IGSF9B: variants seen among roughly 807,000 people sequenced by gnomAD.
IGSF9B encodes the protein immunoglobulin superfamily member 9B, also known as protein turtle homolog B.
In IGSF9B, 48 loss-of-function variants were observed where a neutral mutation model predicts 143.7. The observed-to-expected ratio is 0.33, with a 90% CI of 0.26 to 0.42. IGSF9B has a LOEUF of 0.42. IGSF9B is among the 20% of genes least tolerant of loss of function. IGSF9B has a pLI of 1.00. For missense variants in IGSF9B, 1,706 were observed against 1,980.0 expected, an observed-to-expected ratio of 0.86 and a Z score of 2.63; for synonymous variants, 903 against 833.1, an observed-to-expected ratio of 1.08 and a Z score of -1.44.
At chr11:133,916,162 C>G (rs1565417449) in intron 18 of IGSF9B, among the ~76,000 whole-genome samples, 1 of 152,194 alleles carries the variant, frequency 6.6e-6, no homozygotes, top group South Asian at 2.1e-4. Context: ...CATCACTAGG[C>G]TCAGACAGGA....
Position 133,932,332 on chromosome 11 carries a change from GCAGA to G in IGSF9B, c.968-123_968-120del, listed in dbSNP as rs569679911. 1.9e-3 allele frequency: 1,941 copies of G among 1,042,286 alleles called. 17 individuals are homozygous for G. The highest frequency in any genetic ancestry group is 7.9e-3 in the African/African-American group (494 of 62,336). The allele number at this position is 1,042,286 out of a possible 1,614,324, so 64.6% of individuals were successfully genotyped here. A position where few individuals can be genotyped will look rare whatever the true frequency, so the allele number is the denominator to read the frequency against. Reference sequence around the variant, plus strand: ...AGACACAGGGAAGCCAGGTGGGAGAGCAGACAGACAGACAGACAGACACAGGGAC... The same window carrying G: ...AGACACAGGGAAGCCAGGTGGGAGAGCAGACAGACAGACAGACACAGGGAC... On this transcript the variant is annotated intron_variant, in intron 7 of 19. Coordinates refer to ENST00000533871, the MANE Select transcript of IGSF9B (RefSeq NM_001277285.4).
chr11:133,955,388 C>T (rs1017212108), intron 1 of IGSF9B, among the ~76,000 whole-genome samples: 1 of 152,220 alleles, frequency 6.6e-6, no homozygotes, highest in Non-Finnish European at 1.5e-5. Context: ...CACCACCACC[C>T]CCCTCAGAAG....
intron 1 of IGSF9B, among the ~76,000 whole-genome samples, chr11:133,954,789 C>G (rs1024037422): frequency 6.6e-6 from 1 of 152,124 alleles, no homozygotes; most frequent in South Asian, 2.1e-4. Context: ...AAGAAAGACC[C>G]CAAGACCAGC....
In IGSF9B at chr11:133,926,599, G is replaced by A. The variant is rs114638026; in HGVS notation, c.1807+317C>T. Among the ~76,000 whole-genome samples, 557 of 152,372 alleles carry A rather than the reference G, an allele frequency of 3.7e-3. 4 individuals are homozygous for A. The highest frequency in any genetic ancestry group is 0.011 in the African/African-American group (470 of 41,582). On this transcript the variant is annotated intron_variant, in intron 13 of 19. Transcript: ENST00000533871. ...GACGCTGGGGCCAGAGGCCAGAACC[G>A]GCAGGCGCTGCCAAGGAGGGAGGAT...
chr11:133,935,229 G>A (rs1939801460), intron 7 of IGSF9B, among the ~76,000 whole-genome samples: 1 of 152,214 alleles, frequency 6.6e-6, no homozygotes, highest in African/African-American at 2.4e-5. Flanking sequence ...CCCTGCATGG[G>A]CCTGGGCTAT....
rs1939329780 is a variant in IGSF9B, at chr11:133,913,370, TC to T, written c.3984-1364del. The stretch of plus-strand genomic sequence containing the variant: ...GGGATAGGAAGCCTGCAGTCTCTTC[TC>T]CCCAGCATCAAATATGTTGGCAGCA... On this transcript the variant is annotated intron_variant, in intron 18 of 19. Coordinates refer to ENST00000533871, the MANE Select transcript of IGSF9B (RefSeq NM_001277285.4). This position sits in a 1 kb window ranked among gnomAD's most constrained non-coding sequence, Gnocchi z 4.6. Among the ~76,000 whole-genome samples, 2 of 152,018 alleles carry T rather than the reference TC, an allele frequency of 1.3e-5. No homozygotes were observed. Among genetic ancestry groups the T allele is most frequent in the African/African-American group, 4.8e-5 (2 of 41,392 alleles).
In IGSF9B at chr11:133,928,458, C is replaced by T. The variant is rs1939668534; in HGVS notation, c.1631+1213G>A. 1.3e-5 allele frequency among the ~76,000 whole-genome samples: 2 copies of T among 152,196 alleles called. No homozygotes were observed. Among genetic ancestry groups the T allele is most frequent in the Non-Finnish European group, 2.9e-5 (2 of 68,036 alleles). On this transcript the variant is annotated intron_variant, in intron 12 of 19. Coordinates refer to ENST00000533871, the MANE Select transcript of IGSF9B (RefSeq NM_001277285.4). The surrounding 1 kb of genome is among the most constrained non-coding windows in gnomAD (Gnocchi z 4.7). ...AGCGGGTGCCCCTCTCAACTTCCCT[C>T]GCTGCTGAGAAGTGGATAAAGGGGT...
chr11:133,938,745 C>T (rs936227876), intron 3 of IGSF9B, among the ~76,000 whole-genome samples: 8 of 152,108 alleles, frequency 5.3e-5, no homozygotes, highest in Non-Finnish European at 8.8e-5. Context: ...CGGAGGCCCA[C>T]GGCACTAGGC....
chr11:133,940,190 CAA>C (rs1469571432), intron 3 of IGSF9B, among the ~76,000 whole-genome samples: 21 of 140,800 alleles, frequency 1.5e-4, no homozygotes, highest in African/African-American at 2.1e-4. Flanking sequence ...TCATCGCACG[CAA>C]AAACACACAC....
At chr11:133,955,387 C>G (rs1325186710) in intron 1 of IGSF9B, among the ~76,000 whole-genome samples, 1 of 152,204 alleles carries the variant, frequency 6.6e-6, no homozygotes, top group Non-Finnish European at 1.5e-5. Context: ...ACACCACCAC[C>G]CCCCTCAGAA....
chr11:133,920,443 G>A lies in IGSF9B; in HGVS notation c.3282C>T (p.Ile1094=). 3.2e-6 allele frequency: 5 copies of A among 1,572,288 alleles called. No individual in the cohort carries two copies. Among genetic ancestry groups the A allele is most frequent in the Non-Finnish European group, 4.3e-6 (5 of 1,159,938 alleles). Residue 1094 remains isoleucine, a synonymous_variant, in exon 18 of 20, where the codon ATC becomes ATT. Coordinates refer to ENST00000533871, the MANE Select transcript of IGSF9B (RefSeq NM_001277285.4). ...SLQVPAAYPG[I]LSLEAPKGWA... is the part of the protein sequence containing the mutation. Reference sequence around the variant, plus strand: ...AACCCTTCGGTGCCTCCAGAGACAGGATGCCCGGGTAGGCCGCGGGCACCT... The same window carrying A: ...AACCCTTCGGTGCCTCCAGAGACAGAATGCCCGGGTAGGCCGCGGGCACCT...
At chr11:133,950,921 C>A (rs77899339) in intron 1 of IGSF9B, among the ~76,000 whole-genome samples, 3,170 of 152,218 alleles carry the variant, frequency 0.021, 93 homozygotes, top group South Asian at 0.15. Flanking sequence ...AAACCACAGG[C>A]CTGTTGTCTA....
At chr11:133,949,763 A>G (rs904945364) in intron 1 of IGSF9B, among the ~76,000 whole-genome samples, 1 of 150,328 alleles carries the variant, frequency 6.7e-6, no homozygotes, top group Non-Finnish European at 1.5e-5. Context: ...GGAGGAAGAG[A>G]GGAAGGGGAG....
chr11:133,925,679 C>T lies in IGSF9B; in HGVS notation c.2034+60G>A, dbSNP rs534464332. 2.1e-6 allele frequency: 3 copies of T among 1,454,746 alleles called. No individual in the cohort carries two copies. The African/African-American group carries it at 4.2e-5, about 20-fold the overall frequency. The allele number at this position is 1,454,746 out of a possible 1,614,324, so 90.1% of individuals were successfully genotyped here. A position where few individuals can be genotyped will look rare whatever the true frequency, so the allele number is the denominator to read the frequency against. On this transcript the variant is annotated intron_variant, in intron 14 of 19. Transcript: ENST00000533871. ...TGGTCACTCAAAGCTTCCAGTGCCTCTAGAGTCTTGTCGCTTCCCGGATTT... is the reference window on the plus strand; with the variant it reads ...TGGTCACTCAAAGCTTCCAGTGCCTTTAGAGTCTTGTCGCTTCCCGGATTT...
intron 3 of IGSF9B, among the ~76,000 whole-genome samples, chr11:133,939,796 G>A (rs771614067): frequency 3.3e-5 from 5 of 151,532 alleles, no homozygotes; most frequent in South Asian, 2.1e-4. Context: ...GTCCTCGCAC[G>A]CGTCATCGCA....
At chr11:133,950,938 C>T (rs974784186) in intron 1 of IGSF9B, among the ~76,000 whole-genome samples, 2 of 152,098 alleles carry the variant, frequency 1.3e-5, no homozygotes, top group African/African-American at 4.8e-5. Context: ...TCTAATAATA[C>T]CAGCGACAGC....
chr11:133,919,275 C>A (rs1207723845), intron 18 of IGSF9B, among the ~76,000 whole-genome samples: 1 of 152,110 alleles, frequency 6.6e-6, no homozygotes, highest in Non-Finnish European at 1.5e-5. Context: ...GCCTGGTGGT[C>A]TGGAGAAGTC....
rs752118754 is a variant in IGSF9B, at chr11:133,920,400, C to G, written c.3325G>C (p.Gly1109Arg). 9 of 1,596,280 alleles carry G rather than the reference C, an allele frequency of 5.6e-6. No homozygotes were observed. The highest frequency in any genetic ancestry group is 1.1e-5 in the South Asian group (1 of 89,360). Reference protein sequence around the residue: ...APKGWAGKSPGRGPVPAPPAA... With the variant: ...APKGWAGKSPRRGPVPAPPAA... The stretch of plus-strand genomic sequence containing the variant: ...GGGGGCGCTGGGACAGGGCCCCTGC[C>G]GGGCGACTTGCCTGCCCAACCCTTC... Residue 1109 changes from glycine to arginine, a missense_variant, in exon 18 of 20, where the codon GGC becomes CGC. By Grantham distance (125) the Gly-to-Arg change is moderately radical (BLOSUM62 -2). Coordinates refer to ENST00000533871, the MANE Select transcript of IGSF9B (RefSeq NM_001277285.4).
At chr11:133,923,123 C>T (rs1424163476) in intron 15 of IGSF9B, among the ~76,000 whole-genome samples, 4 of 152,216 alleles carry the variant, frequency 2.6e-5, no homozygotes, top group Non-Finnish European at 1.5e-5. Flanking sequence ...AATGAAAGAG[C>T]TCTGATCCAC....
Sources: allele counts gnomAD v4.1 joint callset (sites outside exome capture counted in the v4.1 genomes callset), GRCh38; gene constraint gnomAD v4.1.1; non-coding constraint Gnocchi (gnomAD v3.1); transcripts MANE v1.5; gene names NCBI Gene and HGNC (gene_info 2026-07-23, HGNC 2026-07-21).